Variants in CDH4 observed in about 807,000 individuals in gnomAD.
CDH4 encodes cadherin-4.
A neutral mutation model predicts 86.0 loss-of-function variants in CDH4; 33 were observed. The ratio of observed to expected loss-of-function variants is 0.38; its 90% CI spans 0.29 to 0.51. The LOEUF is 0.51. CDH4 is among the 20% of genes least tolerant of loss of function. The pLI, the probability that CDH4 is intolerant of heterozygous loss-of-function variation, is 0.86. For synonymous variants in CDH4, 555 were observed against 549.4 expected (o/e 1.01, Z -0.14); for missense variants, 1,114 against 1,307.4 (o/e 0.85, Z 2.28).
In CDH4 at chr20:61,917,149, C is replaced by T. The variant is rs145569651; in HGVS notation, c.1375-6302C>T. 2.9e-4 allele frequency among the ~76,000 whole-genome samples: 44 copies of T among 152,356 alleles called. 1 individual carries two copies. In the East Asian group the frequency reaches 8.3e-3, roughly 29 times the overall value. On this transcript the variant is annotated intron_variant, in intron 9 of 15. Transcript: ENST00000614565. Reference sequence around the variant, plus strand: ...ATCCAGATCTGTCCTGCCCCACACTCCCAATTCCATCTCCCTAGCCATACC... The same window carrying T: ...ATCCAGATCTGTCCTGCCCCACACTTCCAATTCCATCTCCCTAGCCATACC...
At chr20:61,712,794 G>A (rs2087907437) in intron 2 of CDH4, among the ~76,000 whole-genome samples, 1 of 152,192 alleles carries the variant, frequency 6.6e-6, no homozygotes, top group Non-Finnish European at 1.5e-5. Context: ...CTCATGCTGG[G>A]CCCTGGTTCA....
intron 2 of CDH4, among the ~76,000 whole-genome samples, chr20:61,620,987 T>C (rs979605348): frequency 1.3e-5 from 2 of 152,260 alleles, no homozygotes; most frequent in East Asian, 1.9e-4. Flanking sequence ...GGCTGTTTGC[T>C]CTCGATCATG....
In CDH4 at chr20:61,403,284, A is replaced by G. The variant is rs551451731; in HGVS notation, c.169+148347A>G. On this transcript the variant is annotated intron_variant, in intron 2 of 15. Coordinates refer to ENST00000614565, the MANE Select transcript of CDH4 (RefSeq NM_001794.5). ...CCTGCATTGCCAGATTTTGGGCTTC[A>G]CTTACAGGAGCAAATACAGCCCTGT... Among the ~76,000 whole-genome samples the G allele has an allele frequency of 3.9e-5, 6 of 152,302 alleles. No individual in the cohort carries two copies. The East Asian group carries it at 9.7e-4, about 25-fold the overall frequency.
intron 2 of CDH4, among the ~76,000 whole-genome samples, chr20:61,553,524 T>C (rs893458883): frequency 1.3e-5 from 2 of 152,240 alleles, no homozygotes; most frequent in African/African-American, 4.8e-5. Flanking sequence ...GTGAACATCC[T>C]TGTGCATGTC....
chr20:61,438,846 A>G (rs1344440465), intron 2 of CDH4, among the ~76,000 whole-genome samples: 2 of 152,074 alleles, frequency 1.3e-5, no homozygotes, highest in Admixed American at 6.6e-5. Context: ...AATCAATAAG[A>G]TTCCCAAAAT....
chr20:61,860,394 G>T (rs1489848157), intron 6 of CDH4, among the ~76,000 whole-genome samples: 1 of 152,234 alleles, frequency 6.6e-6, no homozygotes, highest in Non-Finnish European at 1.5e-5. Context: ...ATTTGTGAAT[G>T]ATCACAAATT....
Position 61,873,881 on chromosome 20 carries a change from C to T in CDH4, c.1031C>T (p.Ala344Val), listed in dbSNP as rs1201669774. Residue 344 changes from alanine to valine, a missense_variant, in exon 7 of 16, where the codon GCG becomes GTG. Transcript: ENST00000614565. ...GAGACTGGAGATATCGTCACAGTGGCGGCTGGCCTGGACCGAGAGGTGAGG... is the reference window on the plus strand; with the variant it reads ...GAGACTGGAGATATCGTCACAGTGGTGGCTGGCCTGGACCGAGAGGTGAGG... The part of the protein sequence containing the change: ...NSETGDIVTV[A>V]AGLDREKVQQ... 11 of 1,613,832 alleles carry T rather than the reference C, an allele frequency of 6.8e-6. No individual in the cohort carries two copies. Among genetic ancestry groups the T allele is most frequent in the South Asian group, 3.3e-5 (3 of 91,082 alleles).
chr20:61,891,069 G>A (rs955880422), intron 7 of CDH4, among the ~76,000 whole-genome samples: 20 of 152,130 alleles, frequency 1.3e-4, no homozygotes, highest in African/African-American at 4.6e-4. Context: ...CCAGCGGAAG[G>A]AGGGAGAGGG....
intron 4 of CDH4, among the ~76,000 whole-genome samples, chr20:61,836,601 G>A (rs187144510): frequency 6.6e-5 from 10 of 152,258 alleles, no homozygotes; most frequent in East Asian, 1.9e-4. Context: ...AAAGTATTTC[G>A]GAAAATGCAA....
At chr20:61,260,226 G>T (rs2084121241) in intron 2 of CDH4, among the ~76,000 whole-genome samples, 1 of 152,086 alleles carries the variant, frequency 6.6e-6, no homozygotes, top group Admixed American at 6.6e-5. Flanking sequence ...TGCTTTAAAG[G>T]CCCTCCTCTG....
chr20:61,331,281 C>T (rs978094787), intron 2 of CDH4, among the ~76,000 whole-genome samples: 1 of 151,962 alleles, frequency 6.6e-6, no homozygotes, highest in Admixed American at 6.5e-5. Flanking sequence ...TTCTCACTGC[C>T]CTCTGGTCCC....
chr20:61,530,285 C>T (rs1443610066), intron 2 of CDH4, among the ~76,000 whole-genome samples: 1 of 152,170 alleles, frequency 6.6e-6, no homozygotes, highest in Non-Finnish European at 1.5e-5. Flanking sequence ...CCCCTTCGGC[C>T]TCCCAAAGCA....
chr20:61,862,115 C>T (rs963395187), intron 6 of CDH4, among the ~76,000 whole-genome samples: 9 of 152,210 alleles, frequency 5.9e-5, no homozygotes, highest in Non-Finnish European at 1.3e-4. Flanking sequence ...CTGCAGCTCA[C>T]AGCCACTTCT....
intron 8 of CDH4, among the ~76,000 whole-genome samples, chr20:61,909,226 A>G (rs1212803810): frequency 6.6e-6 from 1 of 152,220 alleles, no homozygotes; most frequent in East Asian, 1.9e-4. Context: ...CTGATGCTCC[A>G]GCGCCCGTCC....
rs1600807451 is a variant in CDH4 at position 61,252,919 on chromosome 20, G to A, written c.57+349G>A. The stretch of plus-strand genomic sequence containing the variant: ...TGCATGGGGCAGGCTTCCACTGGCG[G>A]AGCCGGCGCGCCCTCCATCGCCCGG... On this transcript the variant is annotated intron_variant, in intron 1 of 15. Coordinates refer to ENST00000614565, the MANE Select transcript of CDH4 (RefSeq NM_001794.5). The surrounding 1 kb of genome is among the most constrained non-coding windows in gnomAD (Gnocchi z 4.4). Among the ~76,000 whole-genome samples the A allele has an allele frequency of 1.3e-5, 2 of 151,924 alleles. No homozygotes were observed. Among genetic ancestry groups the A allele is most frequent in the South Asian group, 4.1e-4 (2 of 4,828 alleles).
chr20:61,695,223 G>C (rs929328901), intron 2 of CDH4, among the ~76,000 whole-genome samples: 9 of 152,224 alleles, frequency 5.9e-5, no homozygotes, highest in African/African-American at 2.2e-4. Context: ...AACAAGGAGA[G>C]GATTAACTGA....
chr20:61,338,523 T>TG (rs2084632318), intron 2 of CDH4, among the ~76,000 whole-genome samples: 1 of 152,176 alleles, frequency 6.6e-6, no homozygotes, highest in Non-Finnish European at 1.5e-5. Flanking sequence ...ACTTGTCTCT[T>TG]GCTGCTTCTC....
Position 61,411,017 on chromosome 20 carries a change from A to T in CDH4, c.169+156080A>T, listed in dbSNP as rs116564804. 1.3e-3 allele frequency among the ~76,000 whole-genome samples: 202 copies of T among 151,558 alleles called. 1 individual carries two copies. Among genetic ancestry groups the T allele is most frequent in the African/African-American group, 4.7e-3 (193 of 41,244 alleles). On this transcript the variant is annotated intron_variant, in intron 2 of 15. Transcript: ENST00000614565. ...CATCCATCCATTCATCCATCTTTCC[A>T]TTATCCACCCACACAACCGTCCATT...
At chr20:61,793,861 A>G (rs1449773224) in intron 4 of CDH4, among the ~76,000 whole-genome samples, 1 of 127,470 alleles carries the variant, frequency 7.8e-6, no homozygotes, top group Non-Finnish European at 1.7e-5. Flanking sequence ...AAAAGAGGCC[A>G]GGTACGGTGG....
Sources: allele counts gnomAD v4.1 joint callset (sites outside exome capture counted in the v4.1 genomes callset), GRCh38; gene constraint gnomAD v4.1.1; non-coding constraint Gnocchi (gnomAD v3.1); transcripts MANE v1.5; gene names NCBI Gene and HGNC (gene_info 2026-07-23, HGNC 2026-07-21).